NBEA: variants seen among roughly 807,000 people sequenced by gnomAD.
The protein encoded by NBEA is neurobeachin, also known as lysosomal-trafficking regulator 2.
NBEA carries 44 observed loss-of-function variants against 343.4 expected under a neutral mutation model. The observed-to-expected ratio is 0.13, with a 90% confidence interval of 0.10 to 0.16. The LOEUF (loss-of-function observed/expected upper bound fraction) is 0.16, where lower values mean the gene tolerates loss of function less well. Among genes scored for constraint, NBEA ranks in the 10% least tolerant of loss-of-function variants. The pLI is 1.00. For missense variants in NBEA, 2,555 were observed against 3,631.3 expected (o/e 0.70, Z 7.62); for synonymous variants, 1,175 against 1,238.7 (o/e 0.95, Z 1.08).
At position 35,067,116 on chromosome 13, in the gene NBEA, G is replaced by A. The variant is rs1593237854; in HGVS notation, c.1240-2792G>A. Reference sequence around the variant, plus strand: ...TACATATAGTATCTGTATATGTTACGAACCCAACATGACGTAATTATTACT... The same window carrying A: ...TACATATAGTATCTGTATATGTTACAAACCCAACATGACGTAATTATTACT... On this transcript the variant is annotated intron_variant, in intron 8 of 58. Coordinates refer to ENST00000379939, the MANE Select transcript of NBEA (RefSeq NM_001385012.1). Among the ~76,000 whole-genome samples the A allele has an allele frequency of 4.6e-5, 7 of 151,952 alleles. 1 individual carries two copies. The highest frequency in any genetic ancestry group is 1.9e-4 in the East Asian group (1 of 5,176).
At chr13:35,505,343 C>T (rs2152983336) in intron 41 of NBEA, among the ~76,000 whole-genome samples, 1 of 152,286 alleles carries the variant, frequency 6.6e-6, no homozygotes, top group East Asian at 1.9e-4. Flanking sequence ...TAAAGACTAG[C>T]TCACGATGCT....
At chr13:35,044,340 G>A (rs2062765593) in intron 2 of NBEA, among the ~76,000 whole-genome samples, 1 of 152,162 alleles carries the variant, frequency 6.6e-6, no homozygotes, top group Admixed American at 6.5e-5. Context: ...GGATAATAAT[G>A]GTACTTACCT....
intron 47 of NBEA, among the ~76,000 whole-genome samples, chr13:35,602,456 C>T (rs2082096588): frequency 2.0e-5 from 3 of 152,170 alleles, no homozygotes; most frequent in East Asian, 1.9e-4. Flanking sequence ...CTCTGGACTT[C>T]GGGTTCAGAG....
At chr13:35,196,356 C>T (rs2072595380) in intron 31 of NBEA, 54 bp downstream of exon 31, 2 of 1,452,364 alleles carry the variant, frequency 1.4e-6, no homozygotes, top group African/African-American at 2.9e-5. Context: ...GAAAATTAGA[C>T]TTTGTTAATT....
At chr13:35,528,062 A>G (rs1446709868) in intron 41 of NBEA, among the ~76,000 whole-genome samples, 1 of 151,812 alleles carries the variant, frequency 6.6e-6, no homozygotes, top group Non-Finnish European at 1.5e-5. Context: ...TTCCCTAGAA[A>G]CTCCACATTA....
chr13:35,350,487 C>T (rs555099298), intron 37 of NBEA, among the ~76,000 whole-genome samples: 9 of 152,020 alleles, frequency 5.9e-5, no homozygotes, highest in East Asian at 1.9e-4. Context: ...ATCCCCCACC[C>T]GACACACACC....
intron 1 of NBEA, among the ~76,000 whole-genome samples, chr13:35,023,274 G>A (rs538477304): frequency 2.7e-4 from 41 of 152,148 alleles, no homozygotes; most frequent in African/African-American, 8.9e-4. Flanking sequence ...TAAGAAAAAT[G>A]TATTTCTTTA....
At chr13:35,101,286 A>AT (rs1002000533) in intron 11 of NBEA, among the ~76,000 whole-genome samples, 4 of 151,926 alleles carry the variant, frequency 2.6e-5, no homozygotes, top group African/African-American at 9.7e-5. Flanking sequence ...TGACTCCAGC[A>AT]TTTTACATCC....
intron 34 of NBEA, among the ~76,000 whole-genome samples, chr13:35,260,501 G>A (rs1267353501): frequency 6.6e-6 from 1 of 152,284 alleles, no homozygotes; most frequent in East Asian, 1.9e-4. Flanking sequence ...TTGCCTGGAG[G>A]CACTTTCTGG....
At chr13:35,379,106 T>G (rs2041885129) in intron 38 of NBEA, among the ~76,000 whole-genome samples, 2 of 151,952 alleles carry the variant, frequency 1.3e-5, no homozygotes, top group South Asian at 2.1e-4. Context: ...ATGAATAGAG[T>G]TCTGTTGAGC....
chr13:34,954,098 T>C (rs1466407192), intron 1 of NBEA, among the ~76,000 whole-genome samples: 2 of 152,168 alleles, frequency 1.3e-5, no homozygotes, highest in African/African-American at 4.8e-5. Flanking sequence ...CTAAAGAATA[T>C]AGTATAGAAC....
At chr13:35,455,547 G>T (rs1010517363) in intron 40 of NBEA, among the ~76,000 whole-genome samples, 2 of 152,096 alleles carry the variant, frequency 1.3e-5, no homozygotes, top group African/African-American at 4.8e-5. Context: ...TTTTCTGCCT[G>T]TTGAGAACTG....
chr13:35,666,023 C>G (rs1366787608), intron 56 of NBEA, among the ~76,000 whole-genome samples: 2 of 152,082 alleles, frequency 1.3e-5, no homozygotes, highest in African/African-American at 2.4e-5. Flanking sequence ...GGGAAGACTC[C>G]CAGGCAGAAA....
intron 48 of NBEA, among the ~76,000 whole-genome samples, chr13:35,622,728 AAGC>A (rs1449811446): frequency 6.6e-6 from 1 of 152,182 alleles, no homozygotes; most frequent in Non-Finnish European, 1.5e-5. Context: ...TTAATCTCAA[AAGC>A]AGATTTTTGA....
intron 44 of NBEA, among the ~76,000 whole-genome samples, chr13:35,561,792 GT>G (rs1378270889): frequency 6.6e-6 from 1 of 152,080 alleles, no homozygotes; most frequent in African/African-American, 2.4e-5. Flanking sequence ...CTGTATGTAA[GT>G]TTTGTAAAGA....
At chr13:35,476,243 A>G in intron 41 of NBEA, 1 of 1,558,266 alleles carries the variant, frequency 6.4e-7, no homozygotes. Context: ...ACGGGCCGCA[A>G]CACTCAGAAA....
chr13:35,208,048 C>T (rs561092940), intron 31 of NBEA, among the ~76,000 whole-genome samples: 6 of 151,944 alleles, frequency 3.9e-5, no homozygotes, highest in South Asian at 2.1e-4. Flanking sequence ...AGTGAAACCC[C>T]GTCTCTACTA....
At chr13:35,604,656 A>G (rs934280289) in intron 47 of NBEA, among the ~76,000 whole-genome samples, 15 of 152,104 alleles carry the variant, frequency 9.9e-5, no homozygotes, top group African/African-American at 3.6e-4. Context: ...ACAAAATCCA[A>G]ACAGCGTATC....
At chr13:34,989,631 G>A (rs908838006) in intron 1 of NBEA, among the ~76,000 whole-genome samples, 3 of 150,840 alleles carry the variant, frequency 2.0e-5, no homozygotes, top group Admixed American at 6.6e-5. Flanking sequence ...AGGTTTGGGT[G>A]GGGACACAGA....
Sources: gnomAD v4.1 joint callset for allele counts (sites outside exome capture counted in the v4.1 genomes callset) on GRCh38, gnomAD v4.1.1 for gene constraint, MANE v1.5 for transcripts, NCBI Gene and HGNC (gene_info 2026-07-23, HGNC 2026-07-21) for gene names.